MCPH1: variants seen among roughly 807,000 people sequenced by gnomAD.
MCPH1 encodes microcephalin.
In MCPH1, 104 loss-of-function variants were observed where a neutral mutation model predicts 84.5. The observed-to-expected ratio is 1.23, with a 90% confidence interval of 1.05 to 1.45. The LOEUF (loss-of-function observed/expected upper bound fraction) is 1.45. Ranked by LOEUF, MCPH1 falls within the 40% of genes most tolerant of loss-of-function variation. The pLI, the probability that MCPH1 is intolerant of heterozygous loss-of-function variation, is 0.00. For missense variants in MCPH1, 1,498 were observed against 1,005.7 expected, an observed-to-expected ratio of 1.49 and a Z score of -6.62; for synonymous variants, 514 against 366.8, an observed-to-expected ratio of 1.40 and a Z score of -4.58.
intron 12 of MCPH1, among the ~76,000 whole-genome samples, chr8:6,517,853 A>C (rs963066084): frequency 1.3e-5 from 2 of 152,212 alleles, no homozygotes; most frequent in Non-Finnish European, 2.9e-5. Context: ...ACAGAGTCTT[A>C]AGTCTGGAAG....
chr8:6,609,914 C>A (rs1046012649), intron 12 of MCPH1, among the ~76,000 whole-genome samples: 1 of 151,344 alleles, frequency 6.6e-6, no homozygotes, highest in African/African-American at 2.4e-5. Context: ...CTGCCATCAC[C>A]TCCTTTTTTG....
chr8:6,623,489 A>T (rs751635), intron 13 of MCPH1, among the ~76,000 whole-genome samples: 2 of 151,054 alleles, frequency 1.3e-5, no homozygotes, highest in South Asian at 2.1e-4. Flanking sequence ...TTTTCTCATC[A>T]TCTGCTCAAC....
chr8:6,500,005 CT>C, intron 12 of MCPH1, 76 bp downstream of exon 12: 3 of 1,305,044 alleles, frequency 2.3e-6, no homozygotes, highest in Non-Finnish European at 3.3e-6. Context: ...TAAGGGTGGA[CT>C]TAAGTTTTTA....
intron 8 of MCPH1, among the ~76,000 whole-genome samples, chr8:6,451,301 A>AT (rs1805054951): frequency 6.6e-6 from 1 of 152,138 alleles, no homozygotes; most frequent in South Asian, 2.1e-4. Flanking sequence ...TTACATATTC[A>AT]TTTTTTATCT....
chr8:6,532,680 A>G (rs1819753032), intron 12 of MCPH1, among the ~76,000 whole-genome samples: 1 of 150,312 alleles, frequency 6.7e-6, no homozygotes, highest in Admixed American at 6.6e-5. Context: ...TTTTATTTTT[A>G]TGCAAAATCT....
intron 12 of MCPH1, among the ~76,000 whole-genome samples, chr8:6,547,004 G>C (rs1189082799): frequency 6.6e-6 from 1 of 152,080 alleles, no homozygotes; most frequent in African/African-American, 2.4e-5. Flanking sequence ...TTATAACCAC[G>C]GTGTACCTCG....
chr8:6,585,443 C>G (rs537870729), intron 12 of MCPH1, among the ~76,000 whole-genome samples: 1 of 152,246 alleles, frequency 6.6e-6, no homozygotes, highest in South Asian at 2.1e-4. Flanking sequence ...TTCCCGGGAA[C>G]GCCGGCTTTT....
intron 9 of MCPH1, among the ~76,000 whole-genome samples, chr8:6,476,072 A>C (rs1808408681): frequency 6.6e-6 from 1 of 152,344 alleles, no homozygotes; most frequent in South Asian, 2.1e-4. Context: ...TATTCACTAC[A>C]GTGGCATTTC....
intron 12 of MCPH1, among the ~76,000 whole-genome samples, chr8:6,605,169 G>A (rs10091228): frequency 0.059 from 8,994 of 152,184 alleles, 910 homozygotes; most frequent in African/African-American, 0.2. Flanking sequence ...CCCCGCTCTT[G>A]TTGGGTCCCT....
At chr8:6,462,833 CA>C (rs1806436299) in intron 9 of MCPH1, among the ~76,000 whole-genome samples, 1 of 152,158 alleles carries the variant, frequency 6.6e-6, no homozygotes, top group Non-Finnish European at 1.5e-5. Flanking sequence ...TAGAAGTGCT[CA>C]AAAAATGTTA....
chr8:6,521,047 A>C (rs1448392245), intron 12 of MCPH1: 12 of 649,022 alleles, frequency 1.8e-5, no homozygotes, highest in African/African-American at 3.7e-5. Flanking sequence ...CTTCATTTTA[A>C]TTGGTAGATA....
chr8:6,448,601 G>T (rs1051658535), intron 8 of MCPH1, among the ~76,000 whole-genome samples: 1 of 152,204 alleles, frequency 6.6e-6, no homozygotes, highest in Non-Finnish European at 1.5e-5. Context: ...ACTGTCCACA[G>T]TTTAATATTT....
At chr8:6,561,721 T>C (rs1825570805) in intron 12 of MCPH1, among the ~76,000 whole-genome samples, 2 of 152,234 alleles carry the variant, frequency 1.3e-5, no homozygotes, top group African/African-American at 2.4e-5. Flanking sequence ...ATATAGTCCA[T>C]ATAAAGAAAA....
At chr8:6,635,694 G>A (rs1374595379) in intron 13 of MCPH1, among the ~76,000 whole-genome samples, 4 of 152,200 alleles carry the variant, frequency 2.6e-5, no homozygotes, top group African/African-American at 4.8e-5. Flanking sequence ...CATTGTTAGT[G>A]GTGCAGATAC....
At chr8:6,632,174 G>C (rs993931176) in intron 13 of MCPH1, among the ~76,000 whole-genome samples, 2 of 152,200 alleles carry the variant, frequency 1.3e-5, no homozygotes, top group Non-Finnish European at 1.5e-5. Flanking sequence ...ACCAAGGGTG[G>C]AGTAGGCAGG....
At chr8:6,426,019 C>T (rs576315707) in intron 3 of MCPH1, among the ~76,000 whole-genome samples, 1 of 152,274 alleles carries the variant, frequency 6.6e-6, no homozygotes, top group Non-Finnish European at 1.5e-5. Context: ...CTAAAAACTT[C>T]TCATGCTTAA....
At chr8:6,445,955 A>G in intron 8 of MCPH1, 2 of 984,058 alleles carry the variant, frequency 2.0e-6, no homozygotes, top group African/African-American at 1.7e-5. Flanking sequence ...ATTTAAAGAA[A>G]GAAATTAAGG....
At chr8:6,499,992 A>G in intron 12 of MCPH1, 63 bp downstream of exon 12, 2 of 1,410,000 alleles carry the variant, frequency 1.4e-6, no homozygotes, top group Non-Finnish European at 1.0e-6. Flanking sequence ...ATTATTATAA[A>G]CATAAGGGTG....
intron 12 of MCPH1, among the ~76,000 whole-genome samples, chr8:6,602,894 C>T (rs144174754): frequency 1.3e-5 from 2 of 151,992 alleles, no homozygotes; most frequent in African/African-American, 2.4e-5. Flanking sequence ...CAAGTCTGGT[C>T]TTAAAATAGA....
Sources: gnomAD v4.1 joint callset for allele counts (sites outside exome capture counted in the v4.1 genomes callset) on GRCh38, gnomAD v4.1.1 for gene constraint, MANE v1.5 for transcripts, NCBI Gene and HGNC (gene_info 2026-07-23, HGNC 2026-07-21) for gene names.